The following MRPS28 variants were observed in gnomAD, a reference collection of about 807,000 sequenced individuals.
The protein encoded by MRPS28 is mitochondrial ribosomal protein S28.
In MRPS28, 7 loss-of-function variants were observed where a neutral mutation model predicts 10.8. The observed-to-expected ratio is 0.65, with a 90% CI of 0.37 to 1.22. The LOEUF is 1.22. Among genes scored for constraint, MRPS28 ranks in the 50% most tolerant of loss-of-function variants. The probability of loss-of-function intolerance (pLI) is 0.02; values close to 1 mark genes in which losing one functional copy is unlikely to be tolerated. For synonymous variants in MRPS28, 121 were observed against 93.3 expected (o/e 1.30, Z -1.71); for missense variants, 265 against 232.9 (o/e 1.14, Z -0.90).
At chr8:79,996,266 G>A (rs1808499656) in intron 2 of MRPS28, among the ~76,000 whole-genome samples, 1 of 152,126 alleles carries the variant, frequency 6.6e-6, no homozygotes, top group African/African-American at 2.4e-5. Context: ...ACCAGGTCCT[G>A]TGACTAGAGG....
chr8:79,957,331 CTTTTGT>C (rs1488312710), intron 2 of MRPS28: 1 of 151,990 alleles, frequency 6.6e-6, no homozygotes, highest in Non-Finnish European at 1.5e-5. Flanking sequence ...TTTTGGCATA[CTTTTGT>C]TTTTGTCTAT....
intron 1 of MRPS28, among the ~76,000 whole-genome samples, chr8:80,013,652 AAG>A (rs1323358319): frequency 2.0e-5 from 3 of 150,172 alleles, no homozygotes; most frequent in Non-Finnish European, 4.4e-5. Flanking sequence ...AAAAAAAAAA[AAG>A]AAAAGAAAAA....
In MRPS28 at chr8:79,919,350, G is replaced by GA. The variant is rs11350200; in HGVS notation, c.396-203dup. Among the ~76,000 whole-genome samples the GA allele has an allele frequency of 6.7e-3, 962 of 142,730 alleles. 2 individuals carry two copies. Among genetic ancestry groups the GA allele is most frequent in the African/African-American group, 0.015 (591 of 38,136 alleles). The allele number at this position is 142,730 out of a possible 152,430, so 93.6% of individuals were successfully genotyped here. ...CCCCCATCACCCAACTTTTTGTTTT[G>GA]AAAAAAAAAAAAAAGAGTTTCACTC... On this transcript the variant is annotated intron_variant, in intron 2 of 2. Coordinates refer to ENST00000276585, the MANE Select transcript of MRPS28 (RefSeq NM_014018.3).
chr8:80,001,910 G>C (rs1808668572), intron 2 of MRPS28, among the ~76,000 whole-genome samples: 1 of 152,094 alleles, frequency 6.6e-6, no homozygotes, highest in Non-Finnish European at 1.5e-5. Flanking sequence ...TTGGTGACTT[G>C]ACATTGGCCA....
intron 2 of MRPS28, among the ~76,000 whole-genome samples, chr8:79,932,084 T>C (rs1404629811): frequency 1.3e-5 from 2 of 152,194 alleles, no homozygotes; most frequent in Non-Finnish European, 2.9e-5. Flanking sequence ...CACTGGTTCA[T>C]TCATTTACTC....
rs113463020 is a variant in MRPS28 at position 80,019,999 on chromosome 8, T to C, written c.213+10037A>G. ...TGGTTTTATACAATTTAGGGAGACATGAGACATCAATCAATACGTGTAAGA... is the reference window on the plus strand; with the variant it reads ...TGGTTTTATACAATTTAGGGAGACACGAGACATCAATCAATACGTGTAAGA... On this transcript the variant is annotated intron_variant, in intron 1 of 2. Coordinates refer to ENST00000276585, the MANE Select transcript of MRPS28 (RefSeq NM_014018.3). 3.3e-3 allele frequency among the ~76,000 whole-genome samples: 509 copies of C among 152,232 alleles called. 3 individuals are homozygous for C. Among genetic ancestry groups the C allele is most frequent in the African/African-American group, 0.012 (490 of 41,532 alleles).
intron 2 of MRPS28, among the ~76,000 whole-genome samples, chr8:79,922,458 AG>A (rs1563517003): frequency 6.6e-6 from 1 of 152,312 alleles, no homozygotes; most frequent in East Asian, 1.9e-4. Context: ...TTGCTAAGTG[AG>A]TATATTTTGT....
chr8:79,992,491 T>C (rs541622570), intron 2 of MRPS28, among the ~76,000 whole-genome samples: 1 of 152,328 alleles, frequency 6.6e-6, no homozygotes, highest in Non-Finnish European at 1.5e-5. Context: ...TGGCTTCTCC[T>C]TTGAAGAAGC....
At chr8:79,990,796 T>C (rs1383496185) in intron 2 of MRPS28, among the ~76,000 whole-genome samples, 1 of 147,858 alleles carries the variant, frequency 6.8e-6, no homozygotes, top group African/African-American at 2.5e-5. Context: ...GAGACCATCC[T>C]GGCCAACATG....
chr8:79,971,725 T>C (rs1481633296), intron 2 of MRPS28, among the ~76,000 whole-genome samples: 1 of 152,142 alleles, frequency 6.6e-6, no homozygotes, highest in Non-Finnish European at 1.5e-5. Flanking sequence ...TGAAATGAAG[T>C]TTTATTCTGC....
intron 2 of MRPS28, among the ~76,000 whole-genome samples, chr8:79,951,446 A>C (rs1474685402): frequency 6.6e-6 from 1 of 152,308 alleles, no homozygotes; most frequent in South Asian, 2.1e-4. Flanking sequence ...CACAGGCAGC[A>C]ATCCCTTGGG....
At chr8:79,924,645 CAA>C (rs1181783753) in intron 2 of MRPS28, among the ~76,000 whole-genome samples, 1 of 152,114 alleles carries the variant, frequency 6.6e-6, no homozygotes, top group Non-Finnish European at 1.5e-5. Flanking sequence ...ATTGTATACG[CAA>C]AATGCAAACT....
intron 2 of MRPS28, among the ~76,000 whole-genome samples, chr8:79,988,425 TAATAA>T (rs1252221331): frequency 1.3e-5 from 2 of 148,504 alleles, no homozygotes; most frequent in Admixed American, 6.7e-5. Flanking sequence ...AGTATAATAA[TAATAA>T]AATAAAATAA....
intron 2 of MRPS28, among the ~76,000 whole-genome samples, chr8:79,947,629 GT>G (rs767221360): frequency 0.024 from 2,597 of 109,186 alleles, 12 homozygotes; most frequent in African/African-American, 0.073. Flanking sequence ...AATATATTAA[GT>G]TTTTTTTTTT....
At chr8:79,921,540 C>A (rs1398663984) in intron 2 of MRPS28, among the ~76,000 whole-genome samples, 1 of 151,488 alleles carries the variant, frequency 6.6e-6, no homozygotes, top group East Asian at 1.9e-4. Flanking sequence ...GTATTTTATT[C>A]TCTTTGAAGC....
intron 1 of MRPS28, among the ~76,000 whole-genome samples, chr8:80,018,957 T>TGA: frequency 6.6e-6 from 1 of 152,238 alleles, no homozygotes; most frequent in South Asian, 2.1e-4. Flanking sequence ...ATTGAACTCA[T>TGA]GGAGACAGAG....
rs1807733154 is a variant in MRPS28, at chr8:79,974,451, G to A, written c.395+28548C>T. Among the ~76,000 whole-genome samples, 2 of 151,980 alleles carry A rather than the reference G, an allele frequency of 1.3e-5. 1 individual carries two copies. The highest frequency in any genetic ancestry group is 4.8e-5 in the African/African-American group (2 of 41,464). On this transcript the variant is annotated intron_variant, in intron 2 of 2. Transcript: ENST00000276585. ...GCTACTCGGGAGGCTGAGGCAAGGA[G>A]AATGGCGTGAACCCGAGAGGCAGAG...
At chr8:79,953,403 C>T (rs995079268) in intron 2 of MRPS28, among the ~76,000 whole-genome samples, 2 of 152,020 alleles carry the variant, frequency 1.3e-5, no homozygotes, top group African/African-American at 4.8e-5. Flanking sequence ...AATAGAGATA[C>T]CAGAAACAGC....
At chr8:79,984,777 A>G (rs1808101623) in intron 2 of MRPS28, among the ~76,000 whole-genome samples, 1 of 152,210 alleles carries the variant, frequency 6.6e-6, no homozygotes, top group Non-Finnish European at 1.5e-5. Flanking sequence ...TCATAAAGCA[A>G]GTCCTGAGTG....
Sources: allele counts gnomAD v4.1 joint callset (sites outside exome capture counted in the v4.1 genomes callset), GRCh38; gene constraint gnomAD v4.1.1; transcripts MANE v1.5; gene names NCBI Gene and HGNC (gene_info 2026-07-23, HGNC 2026-07-21).